Variants in GNG7 observed in about 807,000 individuals in gnomAD.
GNG7 encodes the protein guanine nucleotide-binding protein G(I)/G(S)/G(O) subunit gamma-7.
In GNG7, 1 loss-of-function variant was observed where a neutral mutation model predicts 4.0. The observed-to-expected ratio is 0.25, with a 90% confidence interval of 0.09 to 1.18. GNG7 has a LOEUF of 1.18. Ranked by LOEUF, GNG7 falls within the 50% of genes most tolerant of loss-of-function variation. The probability of loss-of-function intolerance (pLI) is 0.50; values close to 1 mark genes in which losing one functional copy is unlikely to be tolerated. For synonymous variants in GNG7, 34 were observed against 36.9 expected (o/e 0.92, Z 0.29); for missense variants, 86 against 91.9 (o/e 0.94, Z 0.26).
At chr19:2,588,070 G>A (rs1980730258) in intron 2 of GNG7, among the ~76,000 whole-genome samples, 2 of 152,210 alleles carry the variant, frequency 1.3e-5, no homozygotes, top group African/African-American at 4.8e-5. Flanking sequence ...CCAGATTGGA[G>A]CAAGAGAAGA....
chr19:2,519,347 G>C (rs185012786), intron 4 of GNG7, among the ~76,000 whole-genome samples: 99 of 150,928 alleles, frequency 6.6e-4, no homozygotes, highest in African/African-American at 2.4e-3. Flanking sequence ...GGAGAGACGG[G>C]GTTTCACCAT....
chr19:2,559,905 C>T (rs1196795797), intron 2 of GNG7, among the ~76,000 whole-genome samples: 1 of 152,098 alleles, frequency 6.6e-6, no homozygotes, highest in East Asian at 1.9e-4. Context: ...TTCTCACCTA[C>T]CAGTTCCTCC....
At chr19:2,647,116 C>T (rs574910409) in intron 1 of GNG7, among the ~76,000 whole-genome samples, 2 of 152,320 alleles carry the variant, frequency 1.3e-5, no homozygotes, top group East Asian at 3.9e-4. Flanking sequence ...GACCCTGCCA[C>T]CATCACTGAC....
At chr19:2,674,800 G>T (rs1270965054) in intron 1 of GNG7, among the ~76,000 whole-genome samples, 1 of 152,144 alleles carries the variant, frequency 6.6e-6, no homozygotes, top group East Asian at 1.9e-4. Flanking sequence ...GAGTGTTGAA[G>T]AAAACAGAGA....
chr19:2,642,983 G>C (rs1982551705), intron 2 of GNG7: 1 of 447,916 alleles, frequency 2.2e-6, no homozygotes, highest in South Asian at 1.6e-5. Context: ...GAAATGCAAA[G>C]TCTGCGCCCT....
chr19:2,551,590 C>CCAATATATATTTATAAATATGT (rs1979324629), intron 3 of GNG7, among the ~76,000 whole-genome samples: 1 of 122,576 alleles, frequency 8.2e-6, no homozygotes, highest in Non-Finnish European at 1.7e-5. Flanking sequence ...TATAAATATG[C>CCAATATATATTTATAAATATGT]ATTTATAAAT....
intron 2 of GNG7, among the ~76,000 whole-genome samples, chr19:2,607,852 C>T (rs1040780086): frequency 2.6e-5 from 4 of 152,034 alleles, no homozygotes; most frequent in African/African-American, 9.7e-5. Flanking sequence ...ACCAACGACA[C>T]GGCACGGAGG....
rs1453885109 is a variant in GNG7, at chr19:2,557,054, CAT to C, written c.-77-1868_-77-1867del. 6.8e-5 allele frequency among the ~76,000 whole-genome samples: 10 copies of C among 146,938 alleles called. No homozygotes were observed. Among genetic ancestry groups the C allele is most frequent in the East Asian group, 2.0e-4 (1 of 4,956 alleles). On this transcript the variant is annotated intron_variant, in intron 2 of 4. Transcript: ENST00000382159. The surrounding 1 kb of genome is among the most constrained non-coding windows in gnomAD (Gnocchi z 5.1). The stretch of plus-strand genomic sequence containing the variant: ...ACACAGACACACGCACACTCACACA[CAT>C]ATGCACGCACACAGACACACGCACA...
chr19:2,658,918 A>G (rs1448707768), intron 1 of GNG7, among the ~76,000 whole-genome samples: 2 of 151,972 alleles, frequency 1.3e-5, no homozygotes, highest in Non-Finnish European at 2.9e-5. Context: ...GTCTATTAAA[A>G]GGGGGACTTG....
chr19:2,563,032 C>T (rs925968869), intron 2 of GNG7, among the ~76,000 whole-genome samples: 2 of 151,934 alleles, frequency 1.3e-5, no homozygotes, highest in East Asian at 1.9e-4. Context: ...GCAAGCTCCT[C>T]CTCCCGGGTT....
At chr19:2,645,987 C>T (rs2144860685) in intron 2 of GNG7, among the ~76,000 whole-genome samples, 1 of 152,242 alleles carries the variant, frequency 6.6e-6, no homozygotes, top group South Asian at 2.1e-4. Context: ...GCTCCGGCAC[C>T]AGCAGGACCA....
intron 3 of GNG7, among the ~76,000 whole-genome samples, chr19:2,553,506 CAT>C (rs1249479570): frequency 6.8e-6 from 1 of 147,558 alleles, no homozygotes; most frequent in Non-Finnish European, 1.5e-5. Flanking sequence ...ATGTACATCT[CAT>C]TACATATATG....
At chr19:2,599,997 A>G (rs1981150729) in intron 2 of GNG7, among the ~76,000 whole-genome samples, 2 of 152,058 alleles carry the variant, frequency 1.3e-5, no homozygotes, top group Non-Finnish European at 2.9e-5. Flanking sequence ...TCTAAAAACC[A>G]CTGAATTGTA....
chr19:2,562,272 TTTTCTTTC>T (rs1398540268), intron 2 of GNG7, among the ~76,000 whole-genome samples: 4 of 79,356 alleles, frequency 5.0e-5, no homozygotes, highest in African/African-American at 1.3e-4. Flanking sequence ...TTCCTTTTTC[TTTTCTTTC>T]TTTTTCTTTC....
intron 3 of GNG7, among the ~76,000 whole-genome samples, chr19:2,543,324 G>A (rs1054117718): frequency 6.6e-6 from 1 of 151,442 alleles, no homozygotes; most frequent in Non-Finnish European, 1.5e-5. Context: ...GGCCTCCAGA[G>A]ATCCTCCCAC....
At chr19:2,581,213 A>T (rs983959510) in intron 2 of GNG7, among the ~76,000 whole-genome samples, 2 of 151,520 alleles carry the variant, frequency 1.3e-5, no homozygotes, top group African/African-American at 4.9e-5. Context: ...CCAGCCTGAA[A>T]GTGATTAATC....
rs113742010 is a variant in GNG7 at position 2,667,641 on chromosome 19, G to A, written c.-134-21361C>T. ...AAAATAATTTAAAAGTAGGCCGAGC[G>A]CAATGGCTCATGCCTGTAATCCCAG... On this transcript the variant is annotated intron_variant, in intron 1 of 4. Transcript: ENST00000382159. Among the ~76,000 whole-genome samples, 770 of 152,230 alleles carry A rather than the reference G, an allele frequency of 5.1e-3. 10 individuals are homozygous for A. Among genetic ancestry groups the A allele is most frequent in the African/African-American group, 0.018 (740 of 41,544 alleles).
At chr19:2,539,139 G>C (rs1050254322) in intron 3 of GNG7, among the ~76,000 whole-genome samples, 36 of 152,108 alleles carry the variant, frequency 2.4e-4, no homozygotes, top group African/African-American at 8.4e-4. Context: ...AGTTTAGTTA[G>C]TAATTTTTCA....
At chr19:2,635,826 G>A (rs1008534273) in intron 2 of GNG7, among the ~76,000 whole-genome samples, 1 of 151,944 alleles carries the variant, frequency 6.6e-6, no homozygotes, top group Non-Finnish European at 1.5e-5. Flanking sequence ...CAAGTGATCC[G>A]CCCACCTCAG....
Sources: allele counts gnomAD v4.1 joint callset (sites outside exome capture counted in the v4.1 genomes callset), GRCh38; gene constraint gnomAD v4.1.1; non-coding constraint Gnocchi (gnomAD v3.1); transcripts MANE v1.5; gene names NCBI Gene and HGNC (gene_info 2026-07-23, HGNC 2026-07-21).